The following TLN2 variants were observed in gnomAD, a reference collection of about 807,000 sequenced individuals.
The protein encoded by TLN2 is talin 2.
Under a neutral mutation model 294.7 loss-of-function variants are expected in TLN2, and 118 were observed. That is an observed-to-expected ratio of 0.40 (90% confidence interval 0.34 to 0.47). TLN2 has a LOEUF of 0.47. Among genes scored for constraint, TLN2 ranks in the 20% least tolerant of loss-of-function variants. The pLI, the probability that TLN2 is intolerant of heterozygous loss-of-function variation, is 0.84. For missense variants in TLN2, 3,083 were observed against 3,282.2 expected, an observed-to-expected ratio of 0.94 and a Z score of 1.48; for synonymous variants, 1,431 against 1,304.5, an observed-to-expected ratio of 1.10 and a Z score of -2.09.
rs1266275163 is a variant in TLN2 at position 62,748,441 on chromosome 15, C to T, written c.4116C>T (p.Leu1372=). The change falls in exon 33 of 59, where the codon CTC becomes CTT. Residue 1372 remains leucine, a synonymous_variant. Transcript: ENST00000636159. ...QKECDNALRE[L]ETVKGMLDNP... is the part of the protein sequence containing the mutation. ...AGTGCGATAATGCCCTGCGGGAGCT[C>T]GAGGTAGGTCCCTGGGAAGGCTGCT... 8 of 1,612,734 alleles carry T rather than the reference C, an allele frequency of 5.0e-6. No homozygotes were observed. In the African/African-American group the frequency reaches 5.3e-5, roughly 11 times the overall value.
intron 57 of TLN2, 146 bp downstream of exon 57, chr15:62,836,219 C>A: frequency 1.8e-6 from 2 of 1,101,876 alleles, no homozygotes; most frequent in Non-Finnish European, 2.6e-6. Context: ...CTACTGCGTG[C>A]GTCCATGCAT....
At chr15:62,802,327 A>C (rs1342478332) in intron 50 of TLN2, among the ~76,000 whole-genome samples, 1 of 151,816 alleles carries the variant, frequency 6.6e-6, no homozygotes, top group African/African-American at 2.4e-5. Context: ...ATAGTACTCC[A>C]TTGTGTATGT....
intron 52 of TLN2, among the ~76,000 whole-genome samples, chr15:62,818,751 G>A (rs2067312853): frequency 1.3e-5 from 2 of 151,908 alleles, no homozygotes; most frequent in South Asian, 2.1e-4. Context: ...CTTGAGTGGC[G>A]TGTTTCCTCT....
chr15:62,431,824 A>G (rs2035026960), intron 1 of TLN2, among the ~76,000 whole-genome samples: 1 of 152,210 alleles, frequency 6.6e-6, no homozygotes, highest in Non-Finnish European at 1.5e-5. Context: ...ATTTAATTCT[A>G]TGCCTCTGTG....
chr15:62,568,993 G>A (rs947447625), intron 1 of TLN2, among the ~76,000 whole-genome samples: 1 of 152,084 alleles, frequency 6.6e-6, no homozygotes, highest in African/African-American at 2.4e-5. Flanking sequence ...GGTGTCTGTC[G>A]GGCCATGCTC....
At chr15:62,420,461 G>A (rs1270698872) in intron 1 of TLN2, among the ~76,000 whole-genome samples, 2 of 151,860 alleles carry the variant, frequency 1.3e-5, no homozygotes, top group East Asian at 3.9e-4. Context: ...CAGTGGCGTG[G>A]TCTCGGCTCA....
At chr15:62,689,239 T>TC (rs1318172731) in intron 12 of TLN2, among the ~76,000 whole-genome samples, 2 of 152,170 alleles carry the variant, frequency 1.3e-5, no homozygotes, top group African/African-American at 4.8e-5. Context: ...TAATGGCTTT[T>TC]CCCCCTTAAG....
intron 11 of TLN2, among the ~76,000 whole-genome samples, chr15:62,685,716 TCAG>T (rs1176714778): frequency 2.0e-5 from 3 of 152,226 alleles, no homozygotes; most frequent in African/African-American, 4.8e-5. Context: ...TTCATATTCT[TCAG>T]CAGTTATTTT....
intron 54 of TLN2, chr15:62,827,641 T>TTTAC (rs1306493236): frequency 6.6e-6 from 1 of 152,208 alleles, no homozygotes; most frequent in East Asian, 1.9e-4. Flanking sequence ...ATTTGTGGGT[T>TTTAC]TTACTTATAA....
chr15:62,785,015 C>A (rs923005614), intron 45 of TLN2, among the ~76,000 whole-genome samples: 13 of 152,116 alleles, frequency 8.5e-5, no homozygotes, highest in African/African-American at 3.1e-4. Flanking sequence ...GGTAACAATG[C>A]ATGTAAATAG....
chr15:62,533,253 C>CAAA (rs10650730), intron 1 of TLN2, among the ~76,000 whole-genome samples: 15,001 of 51,286 alleles, frequency 0.29, 2,108 homozygotes, highest in East Asian at 0.53. Context: ...GACTCTGTCT[C>CAAA]AAAAAAAAAA....
intron 11 of TLN2, 127 bp downstream of exon 11, chr15:62,675,448 A>G: frequency 1.1e-6 from 1 of 893,630 alleles, no homozygotes; most frequent in Non-Finnish European, 1.7e-6. Flanking sequence ...ACATCTGGCT[A>G]GTGCTGACCT....
chr15:62,774,119 T>C (rs1465584682), intron 42 of TLN2, among the ~76,000 whole-genome samples: 1 of 152,222 alleles, frequency 6.6e-6, no homozygotes, highest in African/African-American at 2.4e-5. Context: ...TGGACAGTTC[T>C]AATTATTCCT....
chr15:62,417,350 G>A (rs72753829), intron 1 of TLN2, among the ~76,000 whole-genome samples: 18,026 of 152,146 alleles, frequency 0.12, 1,133 homozygotes, highest in Admixed American at 0.14. Context: ...TTCGTTTCTG[G>A]GCTATCTCTA....
At chr15:62,551,743 A>G (rs889220237) in intron 1 of TLN2, among the ~76,000 whole-genome samples, 5 of 152,182 alleles carry the variant, frequency 3.3e-5, no homozygotes, top group African/African-American at 1.2e-4. Context: ...ATGTTTTACA[A>G]TATTATTACC....
intron 3 of TLN2, among the ~76,000 whole-genome samples, chr15:62,622,090 G>T (rs933810495): frequency 2.6e-5 from 4 of 152,024 alleles, no homozygotes; most frequent in Admixed American, 6.5e-5. Flanking sequence ...CTGGGGGGTG[G>T]GGGGTGTGTT....
intron 1 of TLN2, among the ~76,000 whole-genome samples, chr15:62,541,312 AT>A (rs1204192156): frequency 1.3e-4 from 20 of 152,276 alleles, no homozygotes; most frequent in Admixed American, 1.3e-3. Flanking sequence ...TGTATTGACT[AT>A]TGCTATTATT....
At chr15:62,665,010 G>GTAGT (rs1007068304) in intron 9 of TLN2, among the ~76,000 whole-genome samples, 2 of 151,316 alleles carry the variant, frequency 1.3e-5, no homozygotes, top group African/African-American at 2.4e-5. Context: ...TTGGTGGTAG[G>GTAGT]TATATACTTT....
At chr15:62,509,679 C>T (rs2039829140) in intron 1 of TLN2, among the ~76,000 whole-genome samples, 1 of 152,200 alleles carries the variant, frequency 6.6e-6, no homozygotes, top group Admixed American at 6.5e-5. Flanking sequence ...TCACACAGAA[C>T]CAGGGAGGAG....
Sources: gnomAD v4.1 joint callset for allele counts (sites outside exome capture counted in the v4.1 genomes callset) on GRCh38, gnomAD v4.1.1 for gene constraint, MANE v1.5 for transcripts, NCBI Gene and HGNC (gene_info 2026-07-23, HGNC 2026-07-21) for gene names.